The following SOX6 variants were observed in gnomAD, a reference collection of about 807,000 sequenced individuals.
SOX6 encodes the protein SRY-box transcription factor 6.
Under a neutral mutation model 97.8 loss-of-function variants are expected in SOX6, and 11 were observed. The observed-to-expected ratio is 0.11, with a 90% CI of 0.07 to 0.19. The LOEUF is 0.19. Ranked by LOEUF, SOX6 falls within the 10% of genes least tolerant of loss-of-function variation. The pLI is 1.00. For synonymous variants in SOX6, 360 were observed against 371.4 expected, an observed-to-expected ratio of 0.97 and a Z score of 0.35; for missense variants, 810 against 1,039.5, an observed-to-expected ratio of 0.78 and a Z score of 3.04.
At chr11:16,518,170 T>C (rs10766330) in intron 4 of SOX6, among the ~76,000 whole-genome samples, 147,278 of 152,266 alleles carry the variant, frequency 0.97, 71,421 homozygotes, top group East Asian at 1. Context: ...CCAAATTTTC[T>C]TTCACAGCTT....
At chr11:16,249,535 G>C (rs1275115291) in intron 3 of SOX6, among the ~76,000 whole-genome samples, 1 of 152,096 alleles carries the variant, frequency 6.6e-6, no homozygotes, top group Admixed American at 6.5e-5. Context: ...ATCTTCTTCT[G>C]AGCACTCCAA....
In SOX6 at chr11:16,136,238, T is replaced by G. The variant is rs943944812; in HGVS notation, c.778-24315A>C. 5.3e-5 allele frequency among the ~76,000 whole-genome samples: 8 copies of G among 152,136 alleles called. No individual in the cohort carries two copies. The East Asian group carries it at 1.2e-3, about 22-fold the overall frequency. On this transcript the variant is annotated intron_variant, in intron 6 of 15. Coordinates refer to ENST00000683767, the MANE Select transcript of SOX6 (RefSeq NM_001367873.1). ...TTTCACCATGTTGGCCAGGATGGTC[T>G]CGATCTCCTGACCTCGTCATCCACC...
At chr11:16,489,138 A>G (rs965081404) in intron 4 of SOX6, among the ~76,000 whole-genome samples, 1 of 152,174 alleles carries the variant, frequency 6.6e-6, no homozygotes, top group Non-Finnish European at 1.5e-5. Context: ...GGCATGGGAC[A>G]ATAGGTAAAC....
At chr11:16,441,564 C>T (rs778472855) in intron 1 of SOX6, among the ~76,000 whole-genome samples, 6 of 152,148 alleles carry the variant, frequency 3.9e-5, no homozygotes, top group Non-Finnish European at 8.8e-5. Context: ...ATATTATTTA[C>T]TATTCAGAAT....
At chr11:16,669,099 A>G (rs769097255) in intron 3 of SOX6, among the ~76,000 whole-genome samples, 1 of 152,230 alleles carries the variant, frequency 6.6e-6, no homozygotes, top group Non-Finnish European at 1.5e-5. Context: ...CATTCTCCTC[A>G]GCACATGGAT....
chr11:16,672,992 T>C (rs1211722693), intron 3 of SOX6, among the ~76,000 whole-genome samples: 2 of 152,030 alleles, frequency 1.3e-5, no homozygotes, highest in Admixed American at 6.6e-5. Context: ...CCTAAATATA[T>C]ACACAGCAGG....
intron 12 of SOX6, among the ~76,000 whole-genome samples, chr11:16,026,137 G>C (rs997266130): frequency 6.6e-6 from 1 of 152,134 alleles, no homozygotes; most frequent in Non-Finnish European, 1.5e-5. Context: ...AGGGAGTTAA[G>C]TTAACTTATC....
At chr11:16,667,890 A>G (rs1441279678) in intron 3 of SOX6, among the ~76,000 whole-genome samples, 3 of 152,366 alleles carry the variant, frequency 2.0e-5, no homozygotes, top group African/African-American at 7.2e-5. Context: ...TTTTCAAAAA[A>G]TAGTATAATA....
At chr11:16,540,071 A>G (rs1157251781) in intron 4 of SOX6, among the ~76,000 whole-genome samples, 1 of 152,210 alleles carries the variant, frequency 6.6e-6, no homozygotes, top group East Asian at 1.9e-4. Context: ...AAAATCCTCA[A>G]TAAAATACTG....
In SOX6 at chr11:16,473,089, T is replaced by A. The variant is rs1331825990; in HGVS notation, c.-5+3226A>T. Among the ~76,000 whole-genome samples, 4 of 152,296 alleles carry A rather than the reference T, an allele frequency of 2.6e-5. No homozygotes were observed. In the East Asian group the frequency reaches 5.8e-4, roughly 22 times the overall value. On this transcript the variant is annotated intron_variant, in intron 1 of 15. Coordinates refer to the SOX6 transcript ENST00000396356. ...CAAGTACTTTAATAGGTTTTTAAAG[T>A]TCATTCAATTTTTTTCTTGAAATTT...
intron 9 of SOX6, among the ~76,000 whole-genome samples, chr11:16,080,844 G>A (rs1848457507): frequency 6.6e-6 from 1 of 152,146 alleles, no homozygotes; most frequent in Admixed American, 6.5e-5. Context: ...TCACAGTGAA[G>A]CCCCAGAAAG....
chr11:16,085,915 C>T (rs1053636160), intron 9 of SOX6, among the ~76,000 whole-genome samples: 4 of 152,172 alleles, frequency 2.6e-5, no homozygotes, highest in Non-Finnish European at 5.9e-5. Flanking sequence ...GTAGCAAATG[C>T]TACCAGTTTT....
intron 1 of SOX6, chr11:16,402,528 G>T: frequency 1.2e-6 from 1 of 866,624 alleles, no homozygotes; most frequent in Non-Finnish European, 1.9e-6. Context: ...GAGATTTGAT[G>T]GCCCACAGAA....
intron 8 of SOX6, among the ~76,000 whole-genome samples, chr11:16,096,796 A>T (rs1395399527): frequency 6.6e-6 from 1 of 151,920 alleles, no homozygotes; most frequent in Non-Finnish European, 1.5e-5. Flanking sequence ...ACTTTCTACT[A>T]TATTGAAGTC....
chr11:16,039,914 G>C (rs997405586), intron 12 of SOX6, among the ~76,000 whole-genome samples: 3 of 151,894 alleles, frequency 2.0e-5, no homozygotes, highest in Admixed American at 6.6e-5. Flanking sequence ...GTTGAGAACA[G>C]CTGGTCTGGA....
At chr11:16,642,106 T>G (rs1848925815) in intron 3 of SOX6, among the ~76,000 whole-genome samples, 1 of 152,184 alleles carries the variant, frequency 6.6e-6, no homozygotes, top group South Asian at 2.1e-4. Flanking sequence ...GGCCTGGTGG[T>G]GACAAAATCT....
chr11:16,128,115 T>C (rs1311520920), intron 6 of SOX6, among the ~76,000 whole-genome samples: 1 of 152,174 alleles, frequency 6.6e-6, no homozygotes, highest in Non-Finnish European at 1.5e-5. Flanking sequence ...TAGAAAAGCA[T>C]ATAGAAGTCT....
intron 12 of SOX6, among the ~76,000 whole-genome samples, chr11:16,028,035 C>T (rs1273278396): frequency 6.6e-6 from 1 of 152,176 alleles, no homozygotes; most frequent in African/African-American, 2.4e-5. Flanking sequence ...CAGGACTGAA[C>T]TCTTGATAAA....
intron 15 of SOX6, among the ~76,000 whole-genome samples, chr11:15,974,378 CT>C (rs35597667): frequency 0.25 from 21,279 of 85,936 alleles, 962 homozygotes; most frequent in Admixed American, 0.33. Flanking sequence ...TTAGCTCTCT[CT>C]TTTTTTTTTT....
Sources: gnomAD v4.1 joint callset for allele counts (sites outside exome capture counted in the v4.1 genomes callset) on GRCh38, gnomAD v4.1.1 for gene constraint, MANE v1.5 for transcripts, NCBI Gene and HGNC (gene_info 2026-07-23, HGNC 2026-07-21) for gene names.